Variants in ARHGAP23 observed in about 807,000 individuals in gnomAD.
ARHGAP23 encodes Rho GTPase activating protein 23, also known as rho GTPase-activating protein 23.
In ARHGAP23, 34 loss-of-function variants were observed where a neutral mutation model predicts 136.3. That is an observed-to-expected ratio of 0.25 (90% CI 0.19 to 0.33). The LOEUF (loss-of-function observed/expected upper bound fraction) is 0.33. Ranked by LOEUF, ARHGAP23 falls within the 10% of genes least tolerant of loss-of-function variation. The pLI is 1.00. For synonymous variants in ARHGAP23, 832 were observed against 920.5 expected (o/e 0.90, Z 1.74); for missense variants, 1,808 against 2,139.0 (o/e 0.85, Z 3.05).
chr17:38,488,751 G>A (rs1182534429), intron 17 of ARHGAP23, among the ~76,000 whole-genome samples: 5 of 152,076 alleles, frequency 3.3e-5, no homozygotes, highest in African/African-American at 4.8e-5. Flanking sequence ...GTTTCACCAC[G>A]TTGGCCAGGC....
intron 20 of ARHGAP23, among the ~76,000 whole-genome samples, chr17:38,493,651 C>G (rs1396998511): frequency 2.0e-5 from 3 of 152,238 alleles, no homozygotes; most frequent in African/African-American, 7.2e-5. Context: ...CCCACCCAAG[C>G]GTGCCAGCTC....
rs527304350 is a variant in ARHGAP23 at position 38,488,054 on chromosome 17, A to G, written c.2986+1914A>G. On this transcript the variant is annotated intron_variant, in intron 17 of 23. Coordinates refer to ENST00000622683, the MANE Select transcript of ARHGAP23 (RefSeq NM_001199417.2). ...GTAGTTGGGACTACAGGTTTGTGCC[A>G]CCACACCCAGCTAATTAAAAAAAAA... 1.2e-3 allele frequency among the ~76,000 whole-genome samples: 181 copies of G among 151,970 alleles called. 1 individual carries two copies. Among genetic ancestry groups the G allele is most frequent in the African/African-American group, 4.1e-3 (168 of 41,466 alleles).
chr17:38,488,737 C>T (rs1400537614), intron 17 of ARHGAP23, among the ~76,000 whole-genome samples: 11 of 152,050 alleles, frequency 7.2e-5, no homozygotes, highest in Non-Finnish European at 1.5e-4. Context: ...TTGGTAGAGA[C>T]GGGGTTTCAC....
chr17:38,452,003 A>AGG (rs1207502424), intron 1 of ARHGAP23: 2 of 152,558 alleles, frequency 1.3e-5, no homozygotes, highest in African/African-American at 4.8e-5. Context: ...TCTTGCACGG[A>AGG]GGGGGAGCCC....
intron 1 of ARHGAP23, among the ~76,000 whole-genome samples, chr17:38,429,323 A>G (rs2038636920): frequency 1.3e-5 from 2 of 152,204 alleles, no homozygotes; most frequent in Admixed American, 6.5e-5. Context: ...TCCCCCCATC[A>G]GGGCCATTCC....
At chr17:38,458,725 C>G (rs1422280250) in intron 2 of ARHGAP23, among the ~76,000 whole-genome samples, 1 of 152,200 alleles carries the variant, frequency 6.6e-6, no homozygotes, top group Non-Finnish European at 1.5e-5. Context: ...GGGAGCCCTC[C>G]CAGCACGCCC....
chr17:38,471,929 C>G lies in ARHGAP23; in HGVS notation c.2041C>G (p.Leu681Val). The G allele has an allele frequency of 6.5e-6, 10 of 1,549,602 alleles. No homozygotes were observed. The highest frequency in any genetic ancestry group is 8.7e-6 in the Non-Finnish European group (10 of 1,146,808). ...APSKRHSTSD[L>V]SDATFSDIRR... ...TTCTAAGCGACACTCAACCTCTGAC[C>G]TCTCAGATGCGACCTTCAGCGATAT... The change falls in exon 11 of 24, where the codon CTC (leucine) becomes GTC (valine). Residue 681 changes from leucine to valine, a missense_variant. Physicochemically the swap from Leu to Val is conservative, Grantham distance 32. Around this residue, in one of 7 missense-constraint regions of ARHGAP23, gnomAD observed 139 missense variants for 264.3 expected, o/e 0.53. Coordinates refer to ENST00000622683, the MANE Select transcript of ARHGAP23 (RefSeq NM_001199417.2).
chr17:38,483,574 A>G (rs1009000951), intron 16 of ARHGAP23, among the ~76,000 whole-genome samples: 6 of 152,274 alleles, frequency 3.9e-5, no homozygotes, highest in African/African-American at 1.4e-4. Flanking sequence ...GATAAAAAAG[A>G]TATTTTGGAA....
Position 38,498,359 on chromosome 17 carries a change from G to T in ARHGAP23, c.3319-55G>T, listed in dbSNP as rs2040439525. 3.5e-6 allele frequency: 5 copies of T among 1,419,888 alleles called. No homozygotes were observed. The East Asian group carries it at 1.0e-4, about 29-fold the overall frequency. 88.0% of individuals were successfully genotyped at this position (1,419,888 alleles called of 1,614,324 possible). A position where few individuals can be genotyped will look rare whatever the true frequency, so the allele number is the denominator to read the frequency against. ...GTCATCAGGGCACCCCCCTCTGGGG[G>T]GTTGGCAGCCCAGCATCTGAGGGCA... On this transcript the variant is annotated intron_variant, in intron 21 of 23. Transcript: ENST00000622683.
intron 1 of ARHGAP23, among the ~76,000 whole-genome samples, chr17:38,447,860 C>T (rs1436937512): frequency 6.6e-6 from 1 of 152,190 alleles, no homozygotes; most frequent in African/African-American, 2.4e-5. Flanking sequence ...GGGCAATGGC[C>T]CTGGTGTTTA....
chr17:38,426,572 A>AAAAAAAAAAAAAAAAAAAAC (rs1567767218), upstream of ARHGAP23, among the ~76,000 whole-genome samples: 1 of 149,280 alleles, frequency 6.7e-6, no homozygotes, highest in Non-Finnish European at 1.5e-5. Context: ...AAAAAAAAAA[A>AAAAAAAAAAAAAAAAAAAAC]TCCAGGCAGT....
At position 38,445,303 on chromosome 17, in the gene ARHGAP23, T is replaced by TA. The variant is rs61636599; in HGVS notation, c.64-12776dup. On this transcript the variant is annotated intron_variant, in intron 1 of 23. Coordinates refer to ENST00000622683, the MANE Select transcript of ARHGAP23 (RefSeq NM_001199417.2). Reference sequence around the variant, plus strand: ...AACACAGTGAAACCCTGTCTCTACTTAAAAAAAAAAAAAAAAAAAAAAAGA... The same window carrying TA: ...AACACAGTGAAACCCTGTCTCTACTTAAAAAAAAAAAAAAAAAAAAAAAAGA... 1.4e-3 allele frequency among the ~76,000 whole-genome samples: 154 copies of TA among 111,566 alleles called. No individual in the cohort carries two copies. In the East Asian group the frequency reaches 0.016, roughly 12 times the overall value. The allele number at this position is 111,566 out of a possible 152,430, so 73.2% of individuals were successfully genotyped here.
intron 21 of ARHGAP23, 81 bp downstream of exon 21, chr17:38,497,907 G>C (rs1449083889): frequency 1.4e-6 from 2 of 1,430,162 alleles, no homozygotes; most frequent in Admixed American, 3.9e-5. Context: ...CAGGCAGCGG[G>C]ACTTAAGCCG....
chr17:38,436,230 G>C (rs2038794634), intron 1 of ARHGAP23, among the ~76,000 whole-genome samples: 1 of 152,180 alleles, frequency 6.6e-6, no homozygotes, highest in Admixed American at 6.5e-5. Flanking sequence ...GGCTGGGGTT[G>C]CCAACATGAG....
At chr17:38,422,154 G>T (rs2038526204) in intron 1 of ARHGAP23, among the ~76,000 whole-genome samples, 1 of 152,210 alleles carries the variant, frequency 6.6e-6, no homozygotes, top group African/African-American at 2.4e-5. Flanking sequence ...TCAGACTTCG[G>T]CTAGAATCCT....
chr17:38,480,934 A>G (rs2040024321), intron 14 of ARHGAP23, among the ~76,000 whole-genome samples: 1 of 151,626 alleles, frequency 6.6e-6, no homozygotes, highest in African/African-American at 2.4e-5. Flanking sequence ...GGAGTTTGAG[A>G]CCAGCCTGGG....
chr17:38,458,106 C>T lies in ARHGAP23; in HGVS notation c.68C>T (p.Pro23Leu), dbSNP rs746389090. The change falls in exon 2 of 24, where the codon CCA becomes CTA. Residue 23 changes from proline to leucine, a missense_variant. Pro to Leu is a moderately conservative substitution (Grantham distance 98, BLOSUM62 -3). Transcript: ENST00000622683. ...TGGCCTCTCTGTCTCCCACAGCTGC[C>T]ACTGGGCCCAAGAGATGGGTGCTCT... ...PRPEPRPPQLPLGPRDGCSPR... is the reference protein window; with the variant it reads ...PRPEPRPPQLLLGPRDGCSPR... 1.8e-5 allele frequency: 27 copies of T among 1,535,974 alleles called. No homozygotes were observed. The highest frequency in any genetic ancestry group is 2.4e-5 in the Non-Finnish European group (27 of 1,146,908).
At position 38,490,084 on chromosome 17, in the gene ARHGAP23, G is replaced by A. The variant is rs150744723; in HGVS notation, c.2987-18G>A. On this transcript the variant is annotated intron_variant, in intron 17 of 23. Transcript: ENST00000622683. Reference sequence around the variant, plus strand: ...GGCGCTGCCCCCACCTCTCTAAAGAGTCTCCGCTGTGTTCTAGACAAATAC... The same window carrying A: ...GGCGCTGCCCCCACCTCTCTAAAGAATCTCCGCTGTGTTCTAGACAAATAC... 676 of 1,551,368 alleles carry A rather than the reference G, an allele frequency of 4.4e-4. 1 individual carries two copies. The highest frequency in any genetic ancestry group is 3.1e-3 in the African/African-American group (227 of 73,180).
intron 23 of ARHGAP23, among the ~76,000 whole-genome samples, chr17:38,501,362 C>T (rs925117747): frequency 7.9e-5 from 12 of 152,156 alleles, no homozygotes; most frequent in Non-Finnish European, 1.0e-4. Flanking sequence ...AGTGCAGTGG[C>T]ACCATCTCGG....
Sources: gnomAD v4.1 joint callset for allele counts (sites outside exome capture counted in the v4.1 genomes callset) on GRCh38, gnomAD v4.1.1 for gene constraint, gnomAD v4.1.1 regional missense constraint, MANE v1.5 for transcripts, NCBI Gene and HGNC (gene_info 2026-07-23, HGNC 2026-07-21) for gene names.